NT5C2: variants seen among roughly 807,000 people sequenced by gnomAD.
The protein encoded by NT5C2 is 5'-nucleotidase, cytosolic II, also known as cytosolic purine 5'-nucleotidase.
Under a neutral mutation model 76.1 loss-of-function variants are expected in NT5C2, and 58 were observed. The observed-to-expected ratio is 0.76, with a 90% CI of 0.62 to 0.95. NT5C2 has a LOEUF of 0.95. NT5C2 is among the 40% of genes least tolerant of loss of function. NT5C2 has a pLI of 0.00. For missense variants in NT5C2, 478 were observed against 690.3 expected, an observed-to-expected ratio of 0.69 and a Z score of 3.45; for synonymous variants, 229 against 237.4, an observed-to-expected ratio of 0.96 and a Z score of 0.32.
At chr10:103,110,890 T>C (rs1471574569) in intron 4 of NT5C2, among the ~76,000 whole-genome samples, 1 of 152,210 alleles carries the variant, frequency 6.6e-6, no homozygotes, top group Non-Finnish European at 1.5e-5. Flanking sequence ...TGTCCCTCAG[T>C]GATAAACATA....
intron 4 of NT5C2, among the ~76,000 whole-genome samples, chr10:103,121,931 T>A (rs1308701687): frequency 6.6e-6 from 1 of 152,200 alleles, no homozygotes; most frequent in Non-Finnish European, 1.5e-5. Flanking sequence ...CCCAGCATTT[T>A]AGGAGGCTGA....
At chr10:103,174,347 G>A (rs2089242047) in intron 3 of NT5C2, among the ~76,000 whole-genome samples, 1 of 152,222 alleles carries the variant, frequency 6.6e-6, no homozygotes, top group Non-Finnish European at 1.5e-5. Context: ...AGAGGTTGCA[G>A]TGAACTGAGA....
intron 1 of NT5C2, among the ~76,000 whole-genome samples, chr10:103,184,569 C>T (rs535189504): frequency 3.3e-5 from 5 of 152,314 alleles, no homozygotes; most frequent in Admixed American, 6.5e-5. Flanking sequence ...CCCAGCATCT[C>T]GCACAGTAGA....
chr10:103,140,157 A>C (rs2080131876), intron 3 of NT5C2: 2 of 152,118 alleles, frequency 1.3e-5, no homozygotes, highest in South Asian at 4.1e-4. Flanking sequence ...GGGCTCAAGC[A>C]ACCCTCCTAT....
intron 3 of NT5C2, among the ~76,000 whole-genome samples, chr10:103,151,417 T>C (rs986813738): frequency 1.3e-5 from 2 of 150,776 alleles, no homozygotes; most frequent in African/African-American, 4.9e-5. Context: ...TGAGCCAAGA[T>C]TACGCCACTG....
At chr10:103,111,667 T>C (rs2073069605) in intron 4 of NT5C2, 1 of 968,714 alleles carries the variant, frequency 1.0e-6, no homozygotes, top group Non-Finnish European at 1.3e-6. Context: ...TAGTAATTTA[T>C]AGATTTAGAA....
chr10:103,179,957 A>G (rs148241586), intron 2 of NT5C2, among the ~76,000 whole-genome samples: 117 of 152,342 alleles, frequency 7.7e-4, no homozygotes, highest in African/African-American at 2.6e-3. Context: ...GAGTATTGAG[A>G]GGAAAAAGAC....
intron 13 of NT5C2, 88 bp downstream of exon 13, chr10:103,094,259 AT>A: frequency 1.1e-6 from 1 of 925,428 alleles, no homozygotes. Context: ...AAAAAAAAAA[AT>A]TCCTGTTTCC....
intron 3 of NT5C2, among the ~76,000 whole-genome samples, chr10:103,143,453 CAG>C (rs894165322): frequency 2.0e-5 from 3 of 152,124 alleles, no homozygotes; most frequent in East Asian, 1.9e-4. Context: ...ATTTTCAAGA[CAG>C]AGTCTTACTC....
chr10:103,090,689 A>T lies in NT5C2; in HGVS notation c.1371T>A (p.Tyr457Ter), dbSNP rs1419090736. The change falls in exon 18 of 19, where the codon TAT (tyrosine) becomes TAA (stop). Residue 457 changes from tyrosine (Y) to a stop codon, truncating the protein, a stop_gained. Coordinates refer to ENST00000404739, the MANE Select transcript of NT5C2 (RefSeq NM_001351169.2). LOFTEE classifies it high-confidence loss of function. Reference protein sequence around the residue: ...QTLFASQVMRYADLYAASFIN... With the variant: ...QTLFASQVMR Reference sequence around the variant, plus strand: ...TGAAAGATGCTGCATAGAGGTCAGCATAACGCATCACTTGACTGGCAAAAA... The same window carrying T: ...TGAAAGATGCTGCATAGAGGTCAGCTTAACGCATCACTTGACTGGCAAAAA... The T allele has an allele frequency of 6.2e-7, 1 of 1,614,242 alleles. No homozygotes were observed. The highest frequency in any genetic ancestry group is 8.5e-7 in the Non-Finnish European group (1 of 1,180,036).
intron 4 of NT5C2, among the ~76,000 whole-genome samples, chr10:103,114,601 A>G (rs141768540): frequency 2.0e-5 from 3 of 152,292 alleles, no homozygotes; most frequent in African/African-American, 7.2e-5. Flanking sequence ...GTGTTTGACT[A>G]CCTTCTTCAA....
chr10:103,115,351 G>A (rs964675621), intron 4 of NT5C2, among the ~76,000 whole-genome samples: 7 of 152,102 alleles, frequency 4.6e-5, no homozygotes, highest in Non-Finnish European at 8.8e-5. Context: ...GCAGTGAGTC[G>A]AGATTGTGCC....
At chr10:103,167,954 C>T (rs1465980216) in intron 3 of NT5C2, among the ~76,000 whole-genome samples, 2 of 152,026 alleles carry the variant, frequency 1.3e-5, no homozygotes, top group African/African-American at 4.8e-5. Context: ...ATTTCTAGAT[C>T]GAAGCCATAA....
intron 3 of NT5C2, among the ~76,000 whole-genome samples, chr10:103,168,407 G>C (rs75839032): frequency 0.023 from 3,506 of 152,322 alleles, 83 homozygotes; most frequent in South Asian, 0.12. Context: ...CCTGGGCACA[G>C]TCAATGTAGA....
rs140185801 is a variant in NT5C2, at chr10:103,176,624, C to A, written c.-24-1642G>T. On this transcript the variant is annotated intron_variant, in intron 2 of 18. Transcript: ENST00000404739. ...GGCGTGATCTCTGCTCACTGCATCC[C>A]AGGCTCAAGCCATCTTCCCAACTCA... 7.4e-4 allele frequency among the ~76,000 whole-genome samples: 113 copies of A among 152,258 alleles called. 1 individual carries two copies. The highest frequency in any genetic ancestry group is 2.6e-3 in the African/African-American group (110 of 41,554).
intron 8 of NT5C2, 86 bp from the exon 9 acceptor site, chr10:103,100,105 G>A (rs1467853227): frequency 3.7e-6 from 3 of 819,522 alleles, no homozygotes; most frequent in African/African-American, 1.7e-5. Flanking sequence ...GGACCCAAAG[G>A]TTCCATATCA....
At chr10:103,156,212 C>T (rs1300830751) in intron 3 of NT5C2, among the ~76,000 whole-genome samples, 7 of 151,932 alleles carry the variant, frequency 4.6e-5, no homozygotes, top group East Asian at 1.9e-4. Context: ...GGGAGACCTA[C>T]GGGGGGATAC....
At chr10:103,094,315 G>A (rs766889916) in intron 13 of NT5C2, 33 bp downstream of exon 13, 11 of 1,332,658 alleles carry the variant, frequency 8.3e-6, no homozygotes, top group African/African-American at 1.4e-5. Flanking sequence ...TAAGGACAAT[G>A]TGCTAGCAAG....
intron 4 of NT5C2, among the ~76,000 whole-genome samples, chr10:103,130,473 ATCTGCTGACCTTC>A (rs2077929978): frequency 6.7e-6 from 1 of 148,394 alleles, no homozygotes; most frequent in African/African-American, 2.5e-5. Context: ...TCACTTGTTT[ATCTGCTGACCTTC>A]CCTCCACTAT....
Sources: allele counts gnomAD v4.1 joint callset (sites outside exome capture counted in the v4.1 genomes callset), GRCh38; gene constraint gnomAD v4.1.1; transcripts MANE v1.5; gene names NCBI Gene and HGNC (gene_info 2026-07-23, HGNC 2026-07-21).